The following MYRIP variants were observed in gnomAD, a reference collection of about 807,000 sequenced individuals.
MYRIP encodes the protein myosin VIIA and Rab interacting protein, also known as rab effector MyRIP.
A neutral mutation model predicts 98.0 loss-of-function variants in MYRIP; 49 were observed. The ratio of observed to expected loss-of-function variants is 0.50; its 90% confidence interval spans 0.40 to 0.63. MYRIP has a LOEUF of 0.63. Ranked by LOEUF, MYRIP falls within the 30% of genes least tolerant of loss-of-function variation. The pLI, the probability that MYRIP is intolerant of heterozygous loss-of-function variation, is 0.00. For missense variants in MYRIP, 1,004 were observed against 1,058.2 expected (o/e 0.95, Z 0.71); for synonymous variants, 404 against 409.5 (o/e 0.99, Z 0.16).
At chr3:40,028,837 A>G (rs752751059) in intron 2 of MYRIP, among the ~76,000 whole-genome samples, 2 of 152,166 alleles carry the variant, frequency 1.3e-5, no homozygotes, top group Non-Finnish European at 2.9e-5. Flanking sequence ...CTACAGGGCA[A>G]TATAATCTAA....
At chr3:40,199,723 CTTT>C (rs1951500536) in intron 10 of MYRIP, among the ~76,000 whole-genome samples, 2 of 152,140 alleles carry the variant, frequency 1.3e-5, no homozygotes. Context: ...ATTTTCAAAT[CTTT>C]TTAGGCATAG....
At chr3:39,812,191 C>G (rs1326594453) in intron 1 of MYRIP, among the ~76,000 whole-genome samples, 1 of 152,176 alleles carries the variant, frequency 6.6e-6, no homozygotes, top group Non-Finnish European at 1.5e-5. Flanking sequence ...TTCCCATTAC[C>G]CCTACCTACA....
At chr3:40,018,504 G>C (rs1403468992) in intron 2 of MYRIP, among the ~76,000 whole-genome samples, 1 of 152,068 alleles carries the variant, frequency 6.6e-6, no homozygotes, top group East Asian at 1.9e-4. Flanking sequence ...TATCATATGG[G>C]TTATGCAGAC....
At chr3:40,086,322 A>C (rs1206744481) in intron 3 of MYRIP, among the ~76,000 whole-genome samples, 2 of 152,216 alleles carry the variant, frequency 1.3e-5, no homozygotes, top group Non-Finnish European at 2.9e-5. Flanking sequence ...AATGGATGTG[A>C]TTCTGTAAGT....
chr3:39,899,155 A>AT lies in MYRIP; in HGVS notation c.-30-1626dup, dbSNP rs560400325. On this transcript the variant is annotated intron_variant, in intron 1 of 16. Coordinates refer to ENST00000302541, the MANE Select transcript of MYRIP (RefSeq NM_015460.4). ...TTACCACACTTATTCCTAGACAATAATTTTTTGACATTCTATGTTTTTGAC... is the reference window on the plus strand; with the variant it reads ...TTACCACACTTATTCCTAGACAATAATTTTTTTGACATTCTATGTTTTTGAC... 2.4e-3 allele frequency among the ~76,000 whole-genome samples: 368 copies of AT among 152,140 alleles called. 3 individuals are homozygous for AT. The highest frequency in any genetic ancestry group is 3.3e-3 in the Non-Finnish European group (226 of 67,972).
At chr3:39,837,157 C>T (rs1234503540) in intron 1 of MYRIP, among the ~76,000 whole-genome samples, 1 of 152,150 alleles carries the variant, frequency 6.6e-6, no homozygotes, top group African/African-American at 2.4e-5. Flanking sequence ...AATCCCAACG[C>T]TGTAGGTTGC....
intron 1 of MYRIP, among the ~76,000 whole-genome samples, chr3:39,854,163 A>G (rs535050746): frequency 3.5e-4 from 53 of 152,256 alleles, no homozygotes; most frequent in African/African-American, 1.3e-3. Context: ...ATAAAATAGT[A>G]TCAAAAGTGT....
At chr3:40,012,136 G>C (rs1254755293) in intron 2 of MYRIP, among the ~76,000 whole-genome samples, 1 of 152,064 alleles carries the variant, frequency 6.6e-6, no homozygotes, top group Admixed American at 6.5e-5. Flanking sequence ...TGGAAATCTG[G>C]ATATAGACAG....
chr3:39,871,052 T>C (rs763075897), intron 1 of MYRIP, among the ~76,000 whole-genome samples: 40 of 152,218 alleles, frequency 2.6e-4, no homozygotes, highest in Non-Finnish European at 4.8e-4. Context: ...AACAGGAGAT[T>C]TACTGTGATT....
rs78105232 is a variant in MYRIP at position 40,046,604 on chromosome 3, A to G, written c.332+2333A>G. Among the ~76,000 whole-genome samples the G allele has an allele frequency of 6.0e-3, 893 of 148,922 alleles. 8 individuals carry two copies. Among genetic ancestry groups the G allele is most frequent in the African/African-American group, 0.021 (828 of 40,104 alleles). The stretch of plus-strand genomic sequence containing the variant: ...AGTTGGAGAGGAGGAATCAGGAGAC[A>G]CTCTCAGACAATGTGTGGCATGAGC... On this transcript the variant is annotated intron_variant, in intron 3 of 16. Transcript: ENST00000302541.
chr3:39,985,463 A>T (rs1241349221), intron 2 of MYRIP, among the ~76,000 whole-genome samples: 3 of 121,790 alleles, frequency 2.5e-5, no homozygotes, highest in Non-Finnish European at 5.0e-5. Context: ...ACTACTTTAA[A>T]GTTCATATGG....
At chr3:40,224,123 G>C (rs1952422673) in intron 11 of MYRIP, among the ~76,000 whole-genome samples, 1 of 152,136 alleles carries the variant, frequency 6.6e-6, no homozygotes. Context: ...GAGGGCAGGG[G>C]CTAGAGCAAG....
chr3:40,049,273 G>C (rs760338225), intron 3 of MYRIP, among the ~76,000 whole-genome samples: 3 of 152,114 alleles, frequency 2.0e-5, no homozygotes, highest in Non-Finnish European at 4.4e-5. Flanking sequence ...CATTGAGCAA[G>C]TCTGTCGAGG....
At chr3:40,158,045 A>G (rs2125584106) in intron 4 of MYRIP, among the ~76,000 whole-genome samples, 1 of 151,804 alleles carries the variant, frequency 6.6e-6, no homozygotes, top group South Asian at 2.1e-4. Flanking sequence ...TAGCTTTTGA[A>G]TGTGTTTGCT....
At chr3:39,859,903 A>T (rs2125616543) in intron 1 of MYRIP, among the ~76,000 whole-genome samples, 2 of 152,336 alleles carry the variant, frequency 1.3e-5, no homozygotes, top group South Asian at 4.1e-4. Flanking sequence ...CACAGCTAAC[A>T]TCATACTCAG....
At chr3:39,863,645 GA>G (rs1249546049) in intron 1 of MYRIP, among the ~76,000 whole-genome samples, 1 of 152,140 alleles carries the variant, frequency 6.6e-6, no homozygotes, top group Non-Finnish European at 1.5e-5. Context: ...AGATCAATAT[GA>G]GTTCTTAAAT....
intron 12 of MYRIP, 63 bp downstream of exon 12, chr3:40,234,116 T>G: frequency 6.6e-7 from 1 of 1,505,168 alleles, no homozygotes; most frequent in Non-Finnish European, 8.9e-7. Flanking sequence ...CTGATGAAAT[T>G]GTAGCTTATC....
chr3:39,977,308 C>T (rs1053851459), intron 2 of MYRIP, among the ~76,000 whole-genome samples: 2 of 152,070 alleles, frequency 1.3e-5, no homozygotes, highest in Non-Finnish European at 2.9e-5. Flanking sequence ...CAGGCTTAGT[C>T]AGCACACTCA....
intron 2 of MYRIP, among the ~76,000 whole-genome samples, chr3:39,961,316 A>G (rs1945320953): frequency 1.3e-5 from 2 of 152,106 alleles, no homozygotes; most frequent in Admixed American, 1.3e-4. Context: ...CATTTCCCTG[A>G]TAATTATTTT....
Sources: allele counts gnomAD v4.1 joint callset (sites outside exome capture counted in the v4.1 genomes callset), GRCh38; gene constraint gnomAD v4.1.1; transcripts MANE v1.5; gene names NCBI Gene and HGNC (gene_info 2026-07-23, HGNC 2026-07-21).